The following TEX14 variants were observed in gnomAD, a reference collection of about 807,000 sequenced individuals.
TEX14 encodes testis expressed 14, intercellular bridge forming factor.
TEX14 carries 168 observed loss-of-function variants against 178.6 expected under a neutral mutation model. The ratio of observed to expected loss-of-function variants is 0.94; its 90% CI spans 0.83 to 1.07. The LOEUF is 1.07. TEX14 is among the 50% of genes least tolerant of loss of function. The pLI, the probability that TEX14 is intolerant of heterozygous loss-of-function variation, is 0.00. For synonymous variants in TEX14, 626 were observed against 634.1 expected, an observed-to-expected ratio of 0.99 and a Z score of 0.19; for missense variants, 1,730 against 1,753.6, an observed-to-expected ratio of 0.99 and a Z score of 0.24.
At chr17:58,685,037 C>T (rs193270399) in intron 1 of TEX14, among the ~76,000 whole-genome samples, 62 of 152,228 alleles carry the variant, frequency 4.1e-4, no homozygotes, top group African/African-American at 1.4e-3. Context: ...AAAAAAGATT[C>T]AAATGTAGAT....
At chr17:58,586,892 C>A (rs2044990703) in intron 17 of TEX14, among the ~76,000 whole-genome samples, 1 of 152,054 alleles carries the variant, frequency 6.6e-6, no homozygotes, top group Admixed American at 6.6e-5. Context: ...TGAAGTTGCC[C>A]CAGTCTGTGT....
Position 58,622,451 on chromosome 17 carries a change from A to C in TEX14, c.417+396T>G, listed in dbSNP as rs1290935236. 7.9e-5 allele frequency among the ~76,000 whole-genome samples: 12 copies of C among 152,152 alleles called. No homozygotes were observed. In the South Asian group the frequency reaches 1.2e-3, roughly 16 times the overall value. ...AGACTCCTTCCCAAAAAAAAAAAAA[A>C]AATTCCCACCTGCCAAACAAAGTTA... On this transcript the variant is annotated intron_variant, in intron 4 of 31. Coordinates refer to ENST00000349033, the MANE Select transcript of TEX14 (RefSeq NM_031272.5).
chr17:58,609,597 G>A (rs1289213164), intron 10 of TEX14, among the ~76,000 whole-genome samples: 1 of 152,114 alleles, frequency 6.6e-6, no homozygotes, highest in Non-Finnish European at 1.5e-5. Flanking sequence ...GTTCAAAAAT[G>A]CCTATCCTAA....
chr17:58,598,977 G>A lies in TEX14; in HGVS notation c.2368C>T (p.Pro790Ser), dbSNP rs2045360247. 6.2e-7 allele frequency: 1 copy of A among 1,614,114 alleles called. No homozygotes were observed. The change falls in exon 14 of 32, where the codon CCT becomes TCT. Residue 790 changes from proline (P) to serine (S), a missense_variant. Pro to Ser is a moderately conservative substitution (Grantham distance 74). Around this residue, in one of 2 missense-constraint regions of TEX14, gnomAD observed 941 missense variants for 1,072.4 expected, o/e 0.88. Coordinates refer to ENST00000349033, the MANE Select transcript of TEX14 (RefSeq NM_031272.5). ...GGAGGAATATAGTTTAAAGATGGAG[G>A]GCCCACGGCCAGAGGTAACTTGTAG... ...NAYKLPLAVG[P>S]PSLNYIPPVL...
intron 1 of TEX14, among the ~76,000 whole-genome samples, chr17:58,662,738 A>C (rs1477346770): frequency 6.6e-6 from 1 of 152,234 alleles, no homozygotes; most frequent in Non-Finnish European, 1.5e-5. Flanking sequence ...GTTGATGCTC[A>C]GAAATATGAG....
chr17:58,624,577 G>A (rs1354532339), intron 3 of TEX14, among the ~76,000 whole-genome samples: 2 of 151,576 alleles, frequency 1.3e-5, no homozygotes, highest in African/African-American at 2.4e-5. Flanking sequence ...CCTGACCTCC[G>A]GTGATCTACC....
chr17:58,587,847 A>ACCC, intron 16 of TEX14, 49 bp downstream of exon 16: 2 of 621,340 alleles, frequency 3.2e-6, no homozygotes, highest in Admixed American at 2.2e-5. Flanking sequence ...GCCAGAACCC[A>ACCC]CCCCCACCCC....
intron 1 of TEX14, among the ~76,000 whole-genome samples, chr17:58,665,115 G>A (rs377447045): frequency 9.9e-5 from 15 of 152,008 alleles, no homozygotes; most frequent in Admixed American, 9.8e-4. Flanking sequence ...GGCAACATTC[G>A]ACATATTCAG....
At chr17:58,648,488 C>T (rs1457987801) in intron 2 of TEX14, among the ~76,000 whole-genome samples, 2 of 152,174 alleles carry the variant, frequency 1.3e-5, no homozygotes, top group Non-Finnish European at 2.9e-5. Flanking sequence ...TGACTAATTA[C>T]TGTTAGCCTC....
In TEX14 at chr17:58,670,771, T is replaced by TCAAAAAAAA. The variant is rs1598432610; in HGVS notation, c.-1-18770_-1-18769insTTTTTTTTG. ...CTGGGCGACAGAGTGAGACTCCCTCTTAAAAAAAAAAAAAAAAAAAAAAAA... is the reference window on the plus strand; with the variant it reads ...CTGGGCGACAGAGTGAGACTCCCTCTCAAAAAAAATAAAAAAAAAAAAAAAAAAAAAAAA... On this transcript the variant is annotated intron_variant, in intron 1 of 31. Transcript: ENST00000349033. Among the ~76,000 whole-genome samples the TCAAAAAAAA allele has an allele frequency of 1.1e-3, 9 of 7,954 alleles. 4 individuals are homozygous for TCAAAAAAAA. Among genetic ancestry groups the TCAAAAAAAA allele is most frequent in the South Asian group, 0.024 (2 of 84 alleles). 5.2% of individuals were successfully genotyped at this position (7,954 alleles called of 152,430 possible).
intron 21 of TEX14, among the ~76,000 whole-genome samples, chr17:58,574,519 T>C (rs1448432641): frequency 6.6e-6 from 1 of 151,602 alleles, no homozygotes; most frequent in Non-Finnish European, 1.5e-5. Flanking sequence ...CTACTAAAAA[T>C]ACAAAAATTA....
intron 10 of TEX14, among the ~76,000 whole-genome samples, chr17:58,609,895 A>C (rs1598383751): frequency 6.6e-6 from 1 of 152,362 alleles, no homozygotes; most frequent in Non-Finnish European, 1.5e-5. Context: ...GTGACAAACA[A>C]AGATCTGGTG....
At chr17:58,684,453 A>C (rs924243151) in intron 1 of TEX14, among the ~76,000 whole-genome samples, 6 of 147,860 alleles carry the variant, frequency 4.1e-5, no homozygotes, top group Non-Finnish European at 7.5e-5. Context: ...CAAGAGCGAA[A>C]CTCCGTCCCA....
rs2144599963 is a variant in TEX14 at position 58,637,604 on chromosome 17, T to C, written c.137-7050A>G. On this transcript the variant is annotated intron_variant, in intron 2 of 31. Transcript: ENST00000349033. ...TCTGAATAGCTGAACATGGAGAGGT[T>C]CCTGGAGGATGGGCCAGGGAGGGCA... Among the ~76,000 whole-genome samples, 3 of 152,350 alleles carry C rather than the reference T, an allele frequency of 2.0e-5. 1 individual carries two copies. In the Middle Eastern group the frequency reaches 0.01, roughly 518 times the overall value.
At chr17:58,639,292 G>A (rs1191141097) in intron 2 of TEX14, among the ~76,000 whole-genome samples, 1 of 152,196 alleles carries the variant, frequency 6.6e-6, no homozygotes, top group African/African-American at 2.4e-5. Context: ...TGCTTGGGGA[G>A]TTGAGGGGAA....
rs1345074511 is a variant in TEX14 at position 58,599,583 on chromosome 17, C to A, written c.1762G>T (p.Ala588Ser). Residue 588 changes from alanine to serine, a missense_variant, in exon 14 of 32, where the codon GCC becomes TCC. Physicochemically the swap from Ala to Ser is moderately conservative, Grantham distance 99. Around this residue, in one of 2 missense-constraint regions of TEX14, gnomAD observed 941 missense variants for 1,072.4 expected, o/e 0.88. Transcript: ENST00000349033. ...DPQAPDPCLM[A>S]RETQNQDAPC... ...GCATCTTGATTCTGAGTCTCCCTGG[C>A]CATCAGACATGGATCTGGGGCCTGA... The A allele has an allele frequency of 1.2e-6, 2 of 1,613,760 alleles. No individual in the cohort carries two copies. Among genetic ancestry groups the A allele is most frequent in the African/African-American group, 1.3e-5 (1 of 74,790 alleles).
intron 1 of TEX14, chr17:58,660,881 G>A (rs754588928): frequency 3.7e-6 from 3 of 801,370 alleles, no homozygotes; most frequent in South Asian, 2.7e-5. Context: ...TTTCATTGGA[G>A]GCCTCTTCTG....
rs139505748 is a variant in TEX14 at position 58,568,221 on chromosome 17, G to A, written c.3886+971C>T. Among the ~76,000 whole-genome samples the A allele has an allele frequency of 5.4e-4, 82 of 152,286 alleles. 2 individuals carry two copies. The East Asian group carries it at 0.015, about 28-fold the overall frequency. On this transcript the variant is annotated intron_variant, in intron 26 of 31. Coordinates refer to ENST00000349033, the MANE Select transcript of TEX14 (RefSeq NM_031272.5). Reference sequence around the variant, plus strand: ...ACAACACTGTGGCACTGGGGGAGGGGTAAAGTGAAGCAAGAAAGGTCCTAT... The same window carrying A: ...ACAACACTGTGGCACTGGGGGAGGGATAAAGTGAAGCAAGAAAGGTCCTAT...
chr17:58,658,233 T>C (rs1002936794), intron 1 of TEX14, among the ~76,000 whole-genome samples: 1 of 152,150 alleles, frequency 6.6e-6, no homozygotes, highest in Non-Finnish European at 1.5e-5. Context: ...TCTTTCTCTA[T>C]TGCAATTCCC....
Sources: allele counts gnomAD v4.1 joint callset (sites outside exome capture counted in the v4.1 genomes callset), GRCh38; gene constraint gnomAD v4.1.1; regional missense constraint gnomAD v4.1.1; transcripts MANE v1.5; gene names NCBI Gene and HGNC (gene_info 2026-07-23, HGNC 2026-07-21).